Variants in LMO7 observed in about 807,000 individuals in gnomAD.
The protein encoded by LMO7 is LIM domain 7, also known as LIM domain only protein 7.
Under a neutral mutation model 206.5 loss-of-function variants are expected in LMO7, and 120 were observed. That is an observed-to-expected ratio of 0.58 (90% CI 0.50 to 0.68). LMO7 has a LOEUF of 0.68. Ranked by LOEUF, LMO7 falls within the 30% of genes least tolerant of loss-of-function variation. The probability of loss-of-function intolerance (pLI) is 0.00; values close to 1 mark genes in which losing one functional copy is unlikely to be tolerated. For synonymous variants in LMO7, 706 were observed against 681.5 expected (o/e 1.04, Z -0.56); for missense variants, 1,959 against 1,957.9 (o/e 1.00, Z -0.01).
At chr13:75,720,450 G>T (rs970128254) in intron 2 of LMO7, among the ~76,000 whole-genome samples, 1 of 152,138 alleles carries the variant, frequency 6.6e-6, no homozygotes, top group African/African-American at 2.4e-5. Context: ...TCTTCTAGGA[G>T]TTTTAATAGT....
chr13:75,841,746 CAGG>C lies in LMO7; in HGVS notation c.3797_3799del (p.Gly1266del), dbSNP rs755577160. On this transcript the variant is annotated inframe_deletion, in exon 24 of 31. Transcript: ENST00000377534. ...TCTTCAGACAGAGAAGGAACCCGAG[CAGG>C]AGAAGAGGAGAGGAGACAGCCACAA... The C allele has an allele frequency of 3.1e-6, 5 of 1,613,948 alleles. No homozygotes were observed. The highest frequency in any genetic ancestry group is 2.5e-6 in the Non-Finnish European group (3 of 1,179,954).
chr13:75,779,246 T>C lies in LMO7; in HGVS notation c.318-16155T>C, dbSNP rs139344053. 3.9e-4 allele frequency among the ~76,000 whole-genome samples: 60 copies of C among 152,256 alleles called. 1 individual carries two copies. The East Asian group carries it at 4.1e-3, about 10-fold the overall frequency. On this transcript the variant is annotated intron_variant, in intron 4 of 30. Coordinates refer to ENST00000377534, the MANE Select transcript of LMO7 (RefSeq NM_001306080.2). ...AACTTTAAATTCTGGGCAGAGATAA[T>C]GACAGTGGCATTCTAAAGGACACAG...
chr13:75,706,468 G>A (rs1221613022), intron 1 of LMO7, among the ~76,000 whole-genome samples: 2 of 152,150 alleles, frequency 1.3e-5, no homozygotes, highest in Non-Finnish European at 2.9e-5. Context: ...GCTAGTATGT[G>A]CAGTACAAAT....
intron 2 of LMO7, among the ~76,000 whole-genome samples, chr13:75,715,869 A>G (rs1364275142): frequency 6.6e-6 from 1 of 152,236 alleles, no homozygotes; most frequent in Non-Finnish European, 1.5e-5. Flanking sequence ...AGCTGTTCAG[A>G]GATCTGGTAT....
intron 1 of LMO7, among the ~76,000 whole-genome samples, chr13:75,692,413 C>G (rs1266357718): frequency 6.9e-6 from 1 of 144,300 alleles, no homozygotes; most frequent in Non-Finnish European, 1.5e-5. Context: ...TTTTTTCTTT[C>G]CAGAGACAGA....
intron 15 of LMO7, among the ~76,000 whole-genome samples, chr13:75,828,551 G>A (rs2058345276): frequency 6.6e-6 from 1 of 152,186 alleles, no homozygotes; most frequent in South Asian, 2.1e-4. Flanking sequence ...TTGAGGAAAG[G>A]TGGTATTATA....
chr13:75,696,798 G>A (rs148938434), intron 1 of LMO7, among the ~76,000 whole-genome samples: 1 of 152,252 alleles, frequency 6.6e-6, no homozygotes, highest in Non-Finnish European at 1.5e-5. Flanking sequence ...GTATTCCCAA[G>A]CTCCCATGCC....
intron 26 of LMO7, among the ~76,000 whole-genome samples, chr13:75,846,540 G>C (rs1331655392): frequency 6.6e-6 from 1 of 151,922 alleles, no homozygotes; most frequent in Non-Finnish European, 1.5e-5. Context: ...AAGTACTTCA[G>C]TATTCCATGA....
chr13:75,708,795 T>TTTATTTATTTATTTATTTATTTA lies in LMO7; in HGVS notation c.70-4370_70-4369insTATTTATTATTTATTTATTTATT, dbSNP rs1365349348. ...TGCTTTAAACATTACATTTTTCTTTTTTATTTATTTATTTATTATACTTTA... is the reference window on the plus strand; with the variant it reads ...TGCTTTAAACATTACATTTTTCTTTTTTATTTATTTATTTATTTATTTATTATTTATTTATTTATTATACTTTA... On this transcript the variant is annotated intron_variant, in intron 1 of 30. Transcript: ENST00000377534. Among the ~76,000 whole-genome samples the TTTATTTATTTATTTATTTATTTA allele has an allele frequency of 1.5e-3, 234 of 152,302 alleles. 1 individual carries two copies. Among genetic ancestry groups the TTTATTTATTTATTTATTTATTTA allele is most frequent in the African/African-American group, 5.3e-3 (221 of 41,568 alleles).
intron 27 of LMO7, 150 bp from the exon 28 acceptor site, chr13:75,852,942 C>T (rs2060610917): frequency 3.1e-6 from 2 of 646,070 alleles, no homozygotes; most frequent in Non-Finnish European, 5.2e-6. Context: ...CATCATACAT[C>T]AAGGAACATC....
intron 1 of LMO7, among the ~76,000 whole-genome samples, chr13:75,707,633 A>G (rs1389399611): frequency 2.6e-5 from 4 of 152,158 alleles, no homozygotes; most frequent in Non-Finnish European, 5.9e-5. Context: ...ATTACCTTCT[A>G]GAATTGTGGT....
intron 4 of LMO7, among the ~76,000 whole-genome samples, chr13:75,771,581 G>GAATTTTTAAAGACATTAAAAACAT: frequency 6.6e-6 from 1 of 152,080 alleles, no homozygotes; most frequent in Non-Finnish European, 1.5e-5. Flanking sequence ...TTTAAAAACA[G>GAATTTTTAAAGACATTAAAAACAT]AATTAGTAAG....
In LMO7 at chr13:75,753,556, T is replaced by G. The variant is rs369797952; in HGVS notation, c.211-7376T>G. Among the ~76,000 whole-genome samples the G allele has an allele frequency of 3.9e-5, 6 of 152,260 alleles. No individual in the cohort carries two copies. The East Asian group carries it at 5.8e-4, about 15-fold the overall frequency. ...TTGTAGTTCCCATAATCCCCAGGTG[T>G]CGTGGGAAGGACCTGGTGGGAGGTA... On this transcript the variant is annotated intron_variant, in intron 3 of 30. Transcript: ENST00000377534.
At chr13:75,760,007 C>T (rs17065018) in intron 3 of LMO7, among the ~76,000 whole-genome samples, 6,693 of 152,098 alleles carry the variant, frequency 0.044, 254 homozygotes, top group South Asian at 0.19. Flanking sequence ...TATGGAGAAC[C>T]CGCCTGGGAT....
chr13:75,622,554 A>G (rs989570619), intron 1 of LMO7, among the ~76,000 whole-genome samples: 2 of 152,190 alleles, frequency 1.3e-5, no homozygotes, highest in African/African-American at 4.8e-5. Context: ...TACTCTGATA[A>G]TGCCTTTAAG....
At chr13:75,749,863 A>G (rs951042579) in intron 3 of LMO7, among the ~76,000 whole-genome samples, 1 of 151,514 alleles carries the variant, frequency 6.6e-6, no homozygotes, top group Admixed American at 6.6e-5. Flanking sequence ...TTGGTTCCCC[A>G]AGGAAAAATT....
At chr13:75,658,587 T>A (rs1039108937) in intron 1 of LMO7, among the ~76,000 whole-genome samples, 3 of 152,086 alleles carry the variant, frequency 2.0e-5, no homozygotes, top group Non-Finnish European at 4.4e-5. Context: ...ATATCTTATT[T>A]TTATTTTTAT....
chr13:75,694,259 TG>T (rs57507760), intron 1 of LMO7, among the ~76,000 whole-genome samples: 9,531 of 152,170 alleles, frequency 0.063, 594 homozygotes, highest in African/African-American at 0.16. Flanking sequence ...CAGTCATGTT[TG>T]GGGCTGACAG....
At chr13:75,711,534 G>T (rs1416349554) in intron 1 of LMO7, among the ~76,000 whole-genome samples, 1 of 152,202 alleles carries the variant, frequency 6.6e-6, no homozygotes, top group Non-Finnish European at 1.5e-5. Context: ...TCTTTGACTA[G>T]GAAAGGGATT....
Sources: gnomAD v4.1 joint callset for allele counts (sites outside exome capture counted in the v4.1 genomes callset) on GRCh38, gnomAD v4.1.1 for gene constraint, MANE v1.5 for transcripts, NCBI Gene and HGNC (gene_info 2026-07-23, HGNC 2026-07-21) for gene names.